CRHBP: variants seen among roughly 807,000 people sequenced by gnomAD.
CRHBP encodes corticotropin releasing hormone binding protein, also known as corticotropin-releasing hormone-binding protein.
Under a neutral mutation model 34.9 loss-of-function variants are expected in CRHBP, and 19 were observed. The ratio of observed to expected loss-of-function variants is 0.55; its 90% confidence interval spans 0.38 to 0.80. The LOEUF is 0.80. Among genes scored for constraint, CRHBP ranks in the 30% least tolerant of loss-of-function variants. CRHBP has a pLI of 0.00. For missense variants in CRHBP, 328 were observed against 409.2 expected (o/e 0.80, Z 1.71); for synonymous variants, 154 against 153.4 (o/e 1.00, Z -0.03).
At chr5:76,953,385 C>A in intron 1 of CRHBP, 170 bp downstream of exon 1, 1 of 818,570 alleles carries the variant, frequency 1.2e-6, no homozygotes, top group Non-Finnish European at 2.0e-6. Context: ...TGCCTCTGAG[C>A]ATCCCAGACT....
chr5:76,953,701 C>G lies in CRHBP; in HGVS notation c.175+7C>G. The G allele has an allele frequency of 6.2e-7, 1 of 1,602,364 alleles. No homozygotes were observed. The highest frequency in any genetic ancestry group is 8.5e-7 in the Non-Finnish European group (1 of 1,174,342). ...CCGTACCGCCGCGCTCTGCGTGAGT[C>G]GAGGCTGCCCGGCTCGCGGGCGCCC... On this transcript the variant is annotated splice_region_variant and intron_variant, in intron 2 of 6. Coordinates refer to ENST00000274368, the MANE Select transcript of CRHBP (RefSeq NM_001882.4).
At chr5:76,955,512 C>A in intron 3 of CRHBP, 141 bp from the exon 4 acceptor site, 1 of 657,580 alleles carries the variant, frequency 1.5e-6, no homozygotes, top group Non-Finnish European at 2.6e-6. Flanking sequence ...AATGAAAAGG[C>A]GAGCAGGCAG....
chr5:76,960,612 A>G (rs552864780), intron 5 of CRHBP, among the ~76,000 whole-genome samples: 8 of 152,256 alleles, frequency 5.3e-5, no homozygotes, highest in Non-Finnish European at 1.0e-4. Flanking sequence ...ATCTATCAAG[A>G]TTATTTTCTT....
chr5:76,957,270 G>T (rs1186956422), intron 4 of CRHBP, among the ~76,000 whole-genome samples: 1 of 152,206 alleles, frequency 6.6e-6, no homozygotes, highest in Non-Finnish European at 1.5e-5. Context: ...TTAAAAATAT[G>T]AAAAGGAGGC....
At chr5:76,955,111 C>T (rs1745647832) in intron 3 of CRHBP, among the ~76,000 whole-genome samples, 2 of 152,078 alleles carry the variant, frequency 1.3e-5, no homozygotes, top group African/African-American at 4.8e-5. Context: ...CATTGCCTGG[C>T]TGTTGAAGCA....
chr5:76,959,404 T>G (rs1561265551), intron 5 of CRHBP, among the ~76,000 whole-genome samples: 1 of 152,244 alleles, frequency 6.6e-6, no homozygotes, highest in Non-Finnish European at 1.5e-5. Flanking sequence ...TGGCATGACA[T>G]TTAACTCAAT....
intron 6 of CRHBP, 41 bp downstream of exon 6, chr5:76,963,501 A>G: frequency 1.3e-6 from 2 of 1,517,836 alleles, no homozygotes; most frequent in Non-Finnish European, 1.8e-6. Flanking sequence ...GCCTATCAAG[A>G]TTAAAAAAAA....
rs41272248 is a variant in CRHBP at position 76,963,186 on chromosome 5, A to G, written c.694-157A>G. On this transcript the variant is annotated intron_variant, in intron 5 of 6. Transcript: ENST00000274368. The stretch of plus-strand genomic sequence containing the variant: ...ATTTTTATGATTTTTTCTCTTTTAA[A>G]TGTCTTTTAATTTCCAGAGTCCCAG... The G allele has an allele frequency of 0.16, 94,125 of 594,518 alleles. 8,336 individuals are homozygous for G. The highest frequency in any genetic ancestry group is 0.24 in the South Asian group (8,902 of 37,860). The allele number at this position is 594,518 out of a possible 1,614,324, so 36.8% of individuals were successfully genotyped here.
At chr5:76,962,591 C>CAACA (rs1419704232) in intron 5 of CRHBP, among the ~76,000 whole-genome samples, 3 of 138,668 alleles carry the variant, frequency 2.2e-5, no homozygotes, top group Non-Finnish European at 4.6e-5. Context: ...CCGGCCTGGG[C>CAACA]AACATATCAA....
intron 4 of CRHBP, among the ~76,000 whole-genome samples, chr5:76,957,316 T>G (rs943254361): frequency 6.6e-6 from 1 of 152,248 alleles, no homozygotes; most frequent in Admixed American, 6.5e-5. Context: ...TCAATGTTGA[T>G]TCATCCAGTA....
intron 2 of CRHBP, among the ~76,000 whole-genome samples, chr5:76,975,831 TATA>T (rs1746020645): frequency 2.4e-5 from 2 of 83,354 alleles, no homozygotes; most frequent in African/African-American, 1.4e-4. Context: ...AAAAAATATA[TATA>T]TATATATATA....
chr5:76,975,803 C>CAAA lies in CRHBP; in HGVS notation n.312-541_312-539dup, dbSNP rs1158363151. 9.7e-4 allele frequency among the ~76,000 whole-genome samples: 34 copies of CAAA among 35,202 alleles called. 1 individual carries two copies. The highest frequency in any genetic ancestry group is 2.6e-3 in the East Asian group (2 of 774). The allele number at this position is 35,202 out of a possible 152,430, so 23.1% of individuals were successfully genotyped here. On this transcript the variant is annotated intron_variant and non_coding_transcript_variant, in intron 2 of 3. Transcript: ENST00000514258. ...TGGGCAACAGAGCGAGACTCTGTCT[C>CAAA]AAAAAAAAAAAAAAAAAAAAAAATA... is the stretch of plus-strand genomic sequence containing the variant.
intron 6 of CRHBP, among the ~76,000 whole-genome samples, chr5:76,965,304 C>A (rs1021292690): frequency 1.3e-5 from 2 of 152,154 alleles, no homozygotes; most frequent in African/African-American, 4.8e-5. Flanking sequence ...CCACCCTCCC[C>A]CAGATACACC....
chr5:76,960,525 A>T (rs1422849204), intron 5 of CRHBP, among the ~76,000 whole-genome samples: 1 of 152,178 alleles, frequency 6.6e-6, no homozygotes, highest in Non-Finnish European at 1.5e-5. Flanking sequence ...TGTGGCTTCC[A>T]TGCAATGAAT....
intron 4 of CRHBP, among the ~76,000 whole-genome samples, chr5:76,958,326 TA>T (rs1448046382): frequency 2.0e-5 from 3 of 152,180 alleles, no homozygotes; most frequent in Non-Finnish European, 2.9e-5. Flanking sequence ...CTTTATTATT[TA>T]AAAATAGACA....
At chr5:76,974,463 T>TTTTTTTTTTGAG (rs1554043430), downstream of CRHBP, among the ~76,000 whole-genome samples, 28 of 150,178 alleles carry the variant, frequency 1.9e-4, no homozygotes, top group South Asian at 6.4e-4. Flanking sequence ...CTTGCTATTT[T>TTTTTTTTTTGAG]AATTGGGAGG....
chr5:76,963,141 T>G, intron 5 of CRHBP: 1 of 536,930 alleles, frequency 1.9e-6, no homozygotes, highest in Non-Finnish European at 3.3e-6. Context: ...AAATGATTAC[T>G]CAACTGATTT....
Position 76,969,109 on chromosome 5 carries a change from C to A in CRHBP, c.*224C>A. On this transcript the variant is annotated 3_prime_UTR_variant, in exon 7 of 7. Transcript: ENST00000274368. ...AAATGAACACATGGCAGAAAATAAC[C>A]CCTGATTGGTAGGATCATAGTTCTA... 1 of 429,498 alleles carries A rather than the reference C, an allele frequency of 2.3e-6. No individual in the cohort carries two copies. The highest frequency in any genetic ancestry group is 4.1e-6 in the Non-Finnish European group (1 of 245,434). 26.6% of individuals were successfully genotyped at this position (429,498 alleles called of 1,614,324 possible).
chr5:76,963,270 C>T lies in CRHBP; in HGVS notation c.694-73C>T, dbSNP rs556269958. ...GGGCTGATTGAGTGAATTCATGGAC[C>T]CGCTGTTGGTCAAATGGTTTGACTT... On this transcript the variant is annotated intron_variant, in intron 5 of 6. Coordinates refer to ENST00000274368, the MANE Select transcript of CRHBP (RefSeq NM_001882.4). 118 of 1,219,668 alleles carry T rather than the reference C, an allele frequency of 9.7e-5. No homozygotes were observed. The African/African-American group carries it at 1.6e-3, about 16-fold the overall frequency. 75.6% of individuals were successfully genotyped at this position (1,219,668 alleles called of 1,614,324 possible).
Sources: allele counts gnomAD v4.1 joint callset (sites outside exome capture counted in the v4.1 genomes callset), GRCh38; gene constraint gnomAD v4.1.1; transcripts MANE v1.5; gene names NCBI Gene and HGNC (gene_info 2026-07-23, HGNC 2026-07-21).